EDARADD: variants seen among roughly 807,000 people sequenced by gnomAD.
EDARADD encodes the protein EDAR associated via death domain.
Under a neutral mutation model 25.6 loss-of-function variants are expected in EDARADD, and 20 were observed. The observed-to-expected ratio is 0.78, with a 90% CI of 0.55 to 1.14. The LOEUF (loss-of-function observed/expected upper bound fraction) is 1.14, where lower values mean the gene tolerates loss of function less well. EDARADD is among the 50% of genes most tolerant of loss of function. The probability of loss-of-function intolerance (pLI) is 0.00; values close to 1 mark genes in which losing one functional copy is unlikely to be tolerated. For synonymous variants in EDARADD, 86 were observed against 94.4 expected (o/e 0.91, Z 0.52); for missense variants, 225 against 270.1 (o/e 0.83, Z 1.17).
intron 5 of EDARADD, among the ~76,000 whole-genome samples, chr1:236,477,343 G>A (rs775413043): frequency 4.6e-5 from 7 of 151,786 alleles, no homozygotes; most frequent in Non-Finnish European, 7.4e-5. Flanking sequence ...GTGAAACCCC[G>A]TCTCTACTAA....
intron 4 of EDARADD, among the ~76,000 whole-genome samples, chr1:236,443,522 CAGT>C (rs780209613): frequency 4.6e-5 from 7 of 152,134 alleles, no homozygotes; most frequent in Non-Finnish European, 1.0e-4. Flanking sequence ...TTCAAGATTT[CAGT>C]GGGGGAAGTA....
intron 4 of EDARADD, among the ~76,000 whole-genome samples, chr1:236,440,042 T>C (rs1428854665): frequency 6.6e-6 from 1 of 152,192 alleles, no homozygotes; most frequent in Non-Finnish European, 1.5e-5. Flanking sequence ...AGAGTTTAAA[T>C]TTTGTGAGAG....
chr1:236,452,001 G>A (rs1173414651), intron 4 of EDARADD, among the ~76,000 whole-genome samples: 2 of 152,170 alleles, frequency 1.3e-5, no homozygotes, highest in Non-Finnish European at 2.9e-5. Flanking sequence ...TGTGACCCAT[G>A]GAAAACATGC....
At chr1:236,424,790 A>G (rs951219061) in intron 3 of EDARADD, among the ~76,000 whole-genome samples, 1 of 152,210 alleles carries the variant, frequency 6.6e-6, no homozygotes, top group Non-Finnish European at 1.5e-5. Flanking sequence ...GTCCAGCCCA[A>G]TGGAAGAGTG....
intron 4 of EDARADD, among the ~76,000 whole-genome samples, chr1:236,456,033 C>T (rs1243855449): frequency 1.3e-5 from 2 of 152,184 alleles, no homozygotes; most frequent in African/African-American, 2.4e-5. Flanking sequence ...TTGTAATCCG[C>T]CCGCCTCGGC....
In EDARADD at chr1:236,395,740, A is replaced by T; in HGVS notation, c.61+1235A>T. Reference sequence around the variant, plus strand: ...CTCGGGAGGCGCTCGCAGCAGCCGCAGGGCTATCGAGGCCGGGCCTCGGCG... The same window carrying T: ...CTCGGGAGGCGCTCGCAGCAGCCGCTGGGCTATCGAGGCCGGGCCTCGGCG... On this transcript the variant is annotated intron_variant, in intron 1 of 5. Transcript: ENST00000334232. This position sits in a 1 kb window ranked among gnomAD's most constrained non-coding sequence, Gnocchi z 6.9. 6.7e-7 allele frequency: 1 copy of T among 1,499,282 alleles called. No homozygotes were observed. 92.9% of individuals were successfully genotyped at this position (1,499,282 alleles called of 1,614,324 possible).
At chr1:236,400,589 T>C (rs1345542009) in intron 1 of EDARADD, among the ~76,000 whole-genome samples, 1 of 152,036 alleles carries the variant, frequency 6.6e-6, no homozygotes, top group Admixed American at 6.6e-5. Flanking sequence ...TCTGTCTCGC[T>C]CTGCACTCAG....
upstream of EDARADD, among the ~76,000 whole-genome samples, chr1:236,392,750 T>A (rs182052856): frequency 1.2e-3 from 180 of 151,986 alleles, no homozygotes; most frequent in African/African-American, 3.9e-3. Flanking sequence ...AGCTCACTGA[T>A]CCTCCACCTC....
intron 3 of EDARADD, among the ~76,000 whole-genome samples, chr1:236,369,485 C>T (rs1393655134): frequency 2.6e-5 from 4 of 152,146 alleles, no homozygotes; most frequent in South Asian, 4.2e-4. Context: ...TCCAGGAAGC[C>T]GTCTAAGATT....
chr1:236,409,368 T>G (rs1657359394), intron 2 of EDARADD, 94 bp downstream of exon 2: 1 of 986,372 alleles, frequency 1.0e-6, no homozygotes, highest in South Asian at 1.4e-5. Context: ...TATTTACATG[T>G]GCATCAGAAA....
At position 236,460,967 on chromosome 1, in the gene EDARADD, A is replaced by ACCTGCCACCATG. The variant is rs376231505; in HGVS notation, c.220-7261_220-7250dup. 2.3e-3 allele frequency among the ~76,000 whole-genome samples: 346 copies of ACCTGCCACCATG among 152,182 alleles called. 1 individual carries two copies. The highest frequency in any genetic ancestry group is 4.1e-3 in the Non-Finnish European group (278 of 68,020). On this transcript the variant is annotated intron_variant, in intron 4 of 5. Coordinates refer to ENST00000334232, the MANE Select transcript of EDARADD (RefSeq NM_145861.4). Reference sequence around the variant, plus strand: ...CTCCAGAATAGCTGCGATTACAGGCACCTGCCACCATGCCCGGCTAATTTT... The same window carrying ACCTGCCACCATG: ...CTCCAGAATAGCTGCGATTACAGGCACCTGCCACCATGCCTGCCACCATGCCCGGCTAATTTT...
intron 4 of EDARADD, among the ~76,000 whole-genome samples, chr1:236,456,972 A>G (rs1417068668): frequency 6.6e-6 from 1 of 151,760 alleles, no homozygotes; most frequent in Non-Finnish European, 1.5e-5. Context: ...TATGTTTTTG[A>G]TTGCTGGAAA....
chr1:236,473,615 T>G (rs1659420342), intron 5 of EDARADD, among the ~76,000 whole-genome samples: 2 of 152,014 alleles, frequency 1.3e-5, no homozygotes, highest in South Asian at 4.2e-4. Context: ...CCTCCCCCAT[T>G]TCTACCAAAA....
At chr1:236,385,781 C>G (rs1572119352) in intron 3 of EDARADD, among the ~76,000 whole-genome samples, 1 of 151,706 alleles carries the variant, frequency 6.6e-6, no homozygotes, top group Non-Finnish European at 1.5e-5. Context: ...CTCTTGTATT[C>G]TCTCTTAATA....
intron 4 of EDARADD, among the ~76,000 whole-genome samples, chr1:236,462,304 TTC>T (rs949522692): frequency 6.6e-6 from 1 of 152,088 alleles, no homozygotes; most frequent in Non-Finnish European, 1.5e-5. Context: ...CAGCTATTAT[TTC>T]TCTCTCCTGA....
chr1:236,371,317 T>A (rs1667169884), intron 3 of EDARADD, among the ~76,000 whole-genome samples: 1 of 152,148 alleles, frequency 6.6e-6, no homozygotes, highest in Non-Finnish European at 1.5e-5. Flanking sequence ...TTCAGGAGGT[T>A]TTTTTGCTGT....
intron 4 of EDARADD, among the ~76,000 whole-genome samples, chr1:236,463,640 C>T (rs938046566): frequency 7.9e-5 from 12 of 152,308 alleles, no homozygotes; most frequent in Admixed American, 1.3e-4. Flanking sequence ...AGTATATTCG[C>T]GGTGTTGTGC....
intron 5 of EDARADD, among the ~76,000 whole-genome samples, chr1:236,473,952 TTA>T (rs1177102407): frequency 6.6e-6 from 1 of 151,960 alleles, no homozygotes; most frequent in African/African-American, 2.4e-5. Flanking sequence ...CCTAACATCT[TTA>T]AAGAACATTG....
intron 3 of EDARADD, among the ~76,000 whole-genome samples, chr1:236,422,153 T>A (rs543876455): frequency 2.6e-5 from 4 of 152,174 alleles, no homozygotes; most frequent in African/African-American, 9.6e-5. Context: ...TAGGAGTTTC[T>A]TGAAGATTTC....
Sources: gnomAD v4.1 joint callset for allele counts (sites outside exome capture counted in the v4.1 genomes callset) on GRCh38, gnomAD v4.1.1 for gene constraint, Gnocchi (gnomAD v3.1) non-coding constraint, MANE v1.5 for transcripts, NCBI Gene and HGNC (gene_info 2026-07-23, HGNC 2026-07-21) for gene names.